AQP7B: variants seen among roughly 807,000 people sequenced by gnomAD.
AQP7B encodes aquaporin 7B, also known as putative aquaporin-7B.
chr2:94,587,768 C>A, the AQP7B span, among the ~76,000 whole-genome samples: 1 of 152,040 alleles, frequency 6.6e-6, no homozygotes, highest in Non-Finnish European at 1.5e-5. Context: ...CAGGGGGAGG[C>A]GTGCAGGCAG....
At chr2:94,594,802 T>C in the AQP7B span, 1 of 1,563,252 alleles carries the variant, frequency 6.4e-7, no homozygotes, top group South Asian at 1.1e-5. Flanking sequence ...CCAGGAAATA[T>C]GGTGCGAGGA....
At chr2:94,604,354 C>T in the AQP7B span, 1 of 1,611,406 alleles carries the variant, frequency 6.2e-7, no homozygotes, top group South Asian at 1.1e-5. Context: ...TAGGTGGCAT[C>T]ATCTACCTGG....
the AQP7B span, chr2:94,603,075 G>A: frequency 6.3e-7 from 1 of 1,593,344 alleles, no homozygotes; most frequent in Non-Finnish European, 8.6e-7. Flanking sequence ...CACTAACTGT[G>A]CGCTGGGCCG....
chr2:94,592,499 G>A, the AQP7B span, among the ~76,000 whole-genome samples: 5 of 152,032 alleles, frequency 3.3e-5, no homozygotes, highest in Non-Finnish European at 7.3e-5. Context: ...ATGCAGCATC[G>A]TATAGGGATC....
chr2:94,594,630 G>A, the AQP7B span: 283 of 687,938 alleles, frequency 4.1e-4, no homozygotes, highest in African/African-American at 3.5e-3. Context: ...AAGAGGAGGC[G>A]TGTGTGGCGA....
the AQP7B span, among the ~76,000 whole-genome samples, chr2:94,598,433 G>C: frequency 1.3e-5 from 2 of 152,138 alleles, no homozygotes; most frequent in African/African-American, 4.8e-5. Flanking sequence ...GGAGAGGAGG[G>C]GCTGGAGCCA....
the AQP7B span, among the ~76,000 whole-genome samples, chr2:94,593,020 G>A: frequency 6.6e-6 from 1 of 151,492 alleles, no homozygotes; most frequent in Non-Finnish European, 1.5e-5. Context: ...TAGAGATGAG[G>A]TTTTGTCATA....
the AQP7B span, among the ~76,000 whole-genome samples, chr2:94,589,823 C>T: frequency 1.3e-5 from 2 of 152,028 alleles, no homozygotes; most frequent in South Asian, 2.1e-4. Flanking sequence ...GTCAGGGGTC[C>T]CCTTCTCTTC....
chr2:94,598,995 G>A, the AQP7B span, among the ~76,000 whole-genome samples: 2 of 152,078 alleles, frequency 1.3e-5, no homozygotes, highest in Non-Finnish European at 2.9e-5. Context: ...GTAGAGACGG[G>A]GTTTCACCAT....
At chr2:94,595,993 C>T in the AQP7B span, among the ~76,000 whole-genome samples, 3 of 152,086 alleles carry the variant, frequency 2.0e-5, no homozygotes, top group African/African-American at 7.2e-5. Flanking sequence ...AGGACAGAGC[C>T]CTGAGGAATG....
the AQP7B span, among the ~76,000 whole-genome samples, chr2:94,592,661 T>C: frequency 6.6e-6 from 1 of 152,038 alleles, no homozygotes; most frequent in Admixed American, 6.6e-5. Context: ...CCTGGAAGCC[T>C]GGCTCCTTTC....
the AQP7B span, chr2:94,602,896 C>T: frequency 5.9e-5 from 62 of 1,047,106 alleles, no homozygotes; most frequent in East Asian, 3.4e-4. Context: ...CCCTGCCTCA[C>T]GGGGTGGTTG....
chr2:94,593,107 C>A, the AQP7B span, among the ~76,000 whole-genome samples: 1 of 151,944 alleles, frequency 6.6e-6, no homozygotes, highest in African/African-American at 2.4e-5. Context: ...CAGGCGTGAG[C>A]CACTGTGCCT....
At chr2:94,599,766 C>T in the AQP7B span, among the ~76,000 whole-genome samples, 1 of 152,194 alleles carries the variant, frequency 6.6e-6, no homozygotes, top group South Asian at 2.1e-4. Flanking sequence ...ATGAAACATC[C>T]CTCCCTTCAC....
the AQP7B span, chr2:94,603,558 C>A: frequency 6.5e-7 from 1 of 1,528,962 alleles, no homozygotes; most frequent in Non-Finnish European, 8.9e-7. Context: ...AGGACAGAGC[C>A]AGCAGGGAGT....
chr2:94,590,077 G>T, the AQP7B span, among the ~76,000 whole-genome samples: 4 of 152,182 alleles, frequency 2.6e-5, no homozygotes, highest in Non-Finnish European at 2.9e-5. Context: ...TCTCTCTGGT[G>T]GTGTTGCCAT....
At chr2:94,597,949 G>A in the AQP7B span, among the ~76,000 whole-genome samples, 1 of 152,122 alleles carries the variant, frequency 6.6e-6, no homozygotes, top group African/African-American at 2.4e-5. Context: ...CTGTACCTTA[G>A]CTTAAATATT....
the AQP7B span, chr2:94,602,695 C>T: frequency 7.1e-7 from 1 of 1,408,272 alleles, no homozygotes. Context: ...TCAGCCAGCT[C>T]CTTTCCCAGC....
the AQP7B span, among the ~76,000 whole-genome samples, chr2:94,596,733 T>A: frequency 6.6e-6 from 1 of 152,158 alleles, no homozygotes; most frequent in Non-Finnish European, 1.5e-5. Flanking sequence ...AGGGTCTCAC[T>A]CTGTCTCCTA....
Sources: gnomAD v4.1 joint callset for allele counts (sites outside exome capture counted in the v4.1 genomes callset) on GRCh38, gnomAD v4.1.1 for gene constraint, MANE v1.5 for transcripts, NCBI Gene and HGNC (gene_info 2026-07-23, HGNC 2026-07-21) for gene names.